The following DOCK8 variants were observed in gnomAD, a reference collection of about 807,000 sequenced individuals.
DOCK8 encodes the protein dedicator of cytokinesis protein 8.
Under a neutral mutation model 245.6 loss-of-function variants are expected in DOCK8, and 141 were observed. That is an observed-to-expected ratio of 0.57 (90% confidence interval 0.50 to 0.66). The LOEUF is 0.66. Ranked by LOEUF, DOCK8 falls within the 30% of genes least tolerant of loss-of-function variation. The pLI is 0.00. For synonymous variants in DOCK8, 1,168 were observed against 970.2 expected (o/e 1.20, Z -3.79); for missense variants, 2,965 against 2,603.4 (o/e 1.14, Z -3.02).
At position 429,767 on chromosome 9, in the gene DOCK8, C is replaced by T. The variant is rs147785575; in HGVS notation, c.4539C>T (p.His1513=). 7 of 1,614,082 alleles carry T rather than the reference C, an allele frequency of 4.3e-6. No homozygotes were observed. Among genetic ancestry groups the T allele is most frequent in the Non-Finnish European group, 5.9e-6 (7 of 1,180,046 alleles). The change falls in exon 36 of 48, where the codon CAC becomes CAT. Residue 1513 remains histidine (H), a synonymous_variant. Coordinates refer to ENST00000432829, the MANE Select transcript of DOCK8 (RefSeq NM_203447.4). ...TCGACCTATGTCACCAAGTCCTGCA[C>T]CACTGCAGCAGCAGCATGGATGTCA... ...QCFDLCHQVL[H]HCSSSMDVTR... is the part of the protein sequence containing the mutation.
At chr9:461,259 T>G (rs2057795301) in intron 46 of DOCK8, among the ~76,000 whole-genome samples, 1 of 152,196 alleles carries the variant, frequency 6.6e-6, no homozygotes, top group South Asian at 2.1e-4. Context: ...AGGATTTATA[T>G]CTCTCTTCAA....
chr9:339,171 A>C, intron 13 of DOCK8, 72 bp downstream of exon 13: 1 of 1,271,690 alleles, frequency 7.9e-7, no homozygotes, highest in Non-Finnish European at 1.1e-6. Context: ...TCTTTGTCTA[A>C]TGCCAGAATT....
intron 10 of DOCK8, among the ~76,000 whole-genome samples, chr9:333,462 ATGG>A (rs1270259132): frequency 1.3e-5 from 2 of 152,020 alleles, no homozygotes; most frequent in African/African-American, 4.8e-5. Context: ...TTAGCCGGGC[ATGG>A]TGGCACGTGC....
At chr9:334,420 C>A in intron 11 of DOCK8, 36 bp downstream of exon 11, 1 of 1,605,780 alleles carries the variant, frequency 6.2e-7, no homozygotes, top group Non-Finnish European at 8.5e-7. Flanking sequence ...AGGGAGGGCT[C>A]CCCAGTGTGC....
At chr9:252,163 G>C (rs1376614923) in intron 1 of DOCK8, among the ~76,000 whole-genome samples, 1 of 151,616 alleles carries the variant, frequency 6.6e-6, no homozygotes, top group East Asian at 2.0e-4. Context: ...TAACATAGAC[G>C]GGGGTCTCAC....
chr9:272,912 C>T, intron 2 of DOCK8: 1 of 386,268 alleles, frequency 2.6e-6, no homozygotes, highest in South Asian at 1.1e-4. Flanking sequence ...CACTTCCTCA[C>T]ACAGCACAGC....
chr9:264,861 T>A (rs548544355), intron 1 of DOCK8, among the ~76,000 whole-genome samples: 3 of 152,380 alleles, frequency 2.0e-5, no homozygotes, highest in South Asian at 4.1e-4. Flanking sequence ...CACAATGATC[T>A]AACCCTTTGA....
intron 4 of DOCK8, among the ~76,000 whole-genome samples, chr9:291,835 G>C (rs2049052756): frequency 6.6e-6 from 1 of 151,360 alleles, no homozygotes; most frequent in Non-Finnish European, 1.5e-5. Context: ...GGGAGGTTGA[G>C]GTAGGAGGAT....
At chr9:449,438 T>C (rs538801377) in intron 44 of DOCK8, among the ~76,000 whole-genome samples, 1 of 152,328 alleles carries the variant, frequency 6.6e-6, no homozygotes, top group South Asian at 2.1e-4. Context: ...ACATGGACTT[T>C]GAAGATAGAC....
chr9:427,058 T>C, intron 34 of DOCK8, 77 bp downstream of exon 34: 1 of 1,260,258 alleles, frequency 7.9e-7, no homozygotes, highest in Non-Finnish European at 1.1e-6. Flanking sequence ...TTATGCAAAA[T>C]TGTGAAAGAC....
At chr9:462,378 C>G (rs552610003) in intron 46 of DOCK8, among the ~76,000 whole-genome samples, 3 of 152,334 alleles carry the variant, frequency 2.0e-5, no homozygotes, top group African/African-American at 7.2e-5. Context: ...ATATGACTTT[C>G]TTTTCCATAA....
intron 19 of DOCK8, 116 bp downstream of exon 19, chr9:376,421 T>G: frequency 2.4e-6 from 2 of 825,474 alleles, no homozygotes; most frequent in Non-Finnish European, 4.2e-6. Flanking sequence ...AAAATAACCC[T>G]TTAGTTCTTT....
chr9:375,149 G>C (rs748399168), intron 18 of DOCK8, among the ~76,000 whole-genome samples: 15 of 152,108 alleles, frequency 9.9e-5, no homozygotes, highest in Non-Finnish European at 1.9e-4. Flanking sequence ...GTGTGTGTAG[G>C]CTAGAGCCCA....
chr9:336,223 A>C (rs1467828909), intron 11 of DOCK8, among the ~76,000 whole-genome samples: 1 of 152,232 alleles, frequency 6.6e-6, no homozygotes, highest in Non-Finnish European at 1.5e-5. Context: ...AGTGGAATGC[A>C]AATATAGAAA....
intron 1 of DOCK8, among the ~76,000 whole-genome samples, chr9:220,184 T>C (rs990633587): frequency 2.0e-5 from 3 of 152,154 alleles, no homozygotes; most frequent in Non-Finnish European, 4.4e-5. Flanking sequence ...AGACACAGAA[T>C]TTTTGGCCTT....
chr9:426,180 A>G (rs557602141), intron 33 of DOCK8, among the ~76,000 whole-genome samples: 6 of 152,264 alleles, frequency 3.9e-5, no homozygotes, highest in African/African-American at 1.2e-4. Flanking sequence ...AAAAAAAACC[A>G]TTCTGATTCC....
intron 1 of DOCK8, among the ~76,000 whole-genome samples, chr9:253,616 G>C (rs1344959454): frequency 6.6e-6 from 1 of 152,174 alleles, no homozygotes; most frequent in Non-Finnish European, 1.5e-5. Context: ...TAAGAGACTA[G>C]CAAAATGGGA....
chr9:372,162 A>T (rs756506609), intron 17 of DOCK8, 23 bp from the exon 18 acceptor site: 2 of 1,593,306 alleles, frequency 1.3e-6, no homozygotes, highest in Non-Finnish European at 1.7e-6. Flanking sequence ...ATACCACTTT[A>T]TTATTTACAT....
chr9:368,176 C>A, intron 15 of DOCK8, 41 bp downstream of exon 15: 1 of 1,505,056 alleles, frequency 6.6e-7, no homozygotes, highest in Non-Finnish European at 9.3e-7. Context: ...TCAGGGTGGG[C>A]TGCTCACCCC....
Sources: allele counts gnomAD v4.1 joint callset (sites outside exome capture counted in the v4.1 genomes callset), GRCh38; gene constraint gnomAD v4.1.1; transcripts MANE v1.5; gene names NCBI Gene and HGNC (gene_info 2026-07-23, HGNC 2026-07-21).